SH2D4B: variants seen among roughly 807,000 people sequenced by gnomAD.
SH2D4B encodes the protein SH2 domain-containing protein 4B.
SH2D4B carries 45 observed loss-of-function variants against 61.5 expected under a neutral mutation model. That is an observed-to-expected ratio of 0.73 (90% CI 0.58 to 0.94). The LOEUF (loss-of-function observed/expected upper bound fraction) is 0.94, where lower values mean the gene tolerates loss of function less well. SH2D4B is among the 40% of genes least tolerant of loss of function. The pLI is 0.00. For missense variants in SH2D4B, 572 were observed against 574.2 expected (o/e 1.00, Z 0.04); for synonymous variants, 224 against 220.4 (o/e 1.02, Z -0.14).
At chr10:80,542,398 CTTT>C (rs554328250) in intron 1 of SH2D4B, among the ~76,000 whole-genome samples, 2 of 119,370 alleles carry the variant, frequency 1.7e-5, no homozygotes, top group Admixed American at 8.3e-5. Context: ...TCAGTTCTAT[CTTT>C]TTTTTTTTTT....
At chr10:80,626,059 T>A (rs7896155) in intron 6 of SH2D4B, among the ~76,000 whole-genome samples, 4,855 of 152,274 alleles carry the variant, frequency 0.032, 279 homozygotes, top group African/African-American at 0.11. Flanking sequence ...ATTATCCATT[T>A]TTATTATTGT....
chr10:80,622,724 A>G (rs1842729022), intron 6 of SH2D4B, among the ~76,000 whole-genome samples: 1 of 152,174 alleles, frequency 6.6e-6, no homozygotes, highest in Admixed American at 6.5e-5. Context: ...CCTGCTTTCC[A>G]GTGAATTCTG....
intron 7 of SH2D4B, among the ~76,000 whole-genome samples, chr10:80,639,748 G>A (rs1187405133): frequency 6.6e-6 from 1 of 152,198 alleles, no homozygotes; most frequent in Middle Eastern, 3.2e-3. Context: ...GCCAGTCTGT[G>A]TCTTTTAATT....
Position 80,584,752 on chromosome 10 carries a change from A to G in SH2D4B, c.496-3878A>G, listed in dbSNP as rs143992942. 3.3e-5 allele frequency among the ~76,000 whole-genome samples: 5 copies of G among 152,360 alleles called. 1 individual carries two copies. Among genetic ancestry groups the G allele is most frequent in the African/African-American group, 1.2e-4 (5 of 41,590 alleles). On this transcript the variant is annotated intron_variant, in intron 3 of 7. Transcript: ENST00000646907. ...TAACTACAGATTATGAGGCAAATTTATTATGAGGCTGAGGAGAGAAAAAGT... is the reference window on the plus strand; with the variant it reads ...TAACTACAGATTATGAGGCAAATTTGTTATGAGGCTGAGGAGAGAAAAAGT...
chr10:80,609,307 T>G, intron 5 of SH2D4B, 117 bp from the exon 6 acceptor site: 2 of 634,848 alleles, frequency 3.2e-6, no homozygotes, highest in East Asian at 5.4e-5. Flanking sequence ...CACCCCCCCT[T>G]CCTCCTCCTC....
At chr10:80,627,509 G>A (rs1306324130) in intron 6 of SH2D4B, among the ~76,000 whole-genome samples, 4 of 151,986 alleles carry the variant, frequency 2.6e-5, no homozygotes, top group Non-Finnish European at 5.9e-5. Context: ...TCTGGACTCA[G>A]TCTAAACATC....
intron 1 of SH2D4B, among the ~76,000 whole-genome samples, chr10:80,562,830 G>T (rs1841916717): frequency 6.6e-6 from 1 of 151,624 alleles, no homozygotes; most frequent in African/African-American, 2.4e-5. Flanking sequence ...ACAGGTGTGA[G>T]GTGATATCTC....
In SH2D4B at chr10:80,634,480, T is replaced by C; in HGVS notation, c.1184T>C (p.Leu395Pro). 1 of 1,550,294 alleles carries C rather than the reference T, an allele frequency of 6.5e-7. No individual in the cohort carries two copies. The highest frequency in any genetic ancestry group is 8.7e-7 in the Non-Finnish European group (1 of 1,146,950). ...GTGGACCCCAATCGCCATGCAACGC[T>C]CACGGATCTCGTTGATTTCCATAAG... ...LGVDPNRHAT[L>P]TDLVDFHKEE... Residue 395 changes from leucine (L) to proline (P), a missense_variant, in exon 7 of 8, where the codon CTC becomes CCC. Transcript: ENST00000646907.
chr10:80,575,501 C>T (rs1842114307), intron 3 of SH2D4B, among the ~76,000 whole-genome samples: 1 of 152,158 alleles, frequency 6.6e-6, no homozygotes, highest in African/African-American at 2.4e-5. Context: ...TGGCTCACAC[C>T]TGTAATCCCA....
chr10:80,632,106 TTGTGGAGATAGTTGTCTCCACAAAAAG>T (rs1842839563), intron 6 of SH2D4B, among the ~76,000 whole-genome samples: 1 of 151,898 alleles, frequency 6.6e-6, no homozygotes, highest in South Asian at 2.1e-4. Context: ...TTTAATTTTT[TTGTGGAGATAGTTGTCTCCACAAAAAG>T]TGTGGAGACA....
intron 7 of SH2D4B, among the ~76,000 whole-genome samples, chr10:80,637,690 G>C (rs182947027): frequency 1.3e-5 from 2 of 152,350 alleles, no homozygotes; most frequent in East Asian, 3.9e-4. Context: ...TTTGGGCTGA[G>C]ATGATGGGGT....
intron 4 of SH2D4B, among the ~76,000 whole-genome samples, chr10:80,592,878 GT>G (rs34544525): frequency 0.14 from 20,696 of 148,624 alleles, 1,679 homozygotes; most frequent in East Asian, 0.31. Context: ...ACCATGCCTA[GT>G]TTTTTTTTTT....
intron 1 of SH2D4B, among the ~76,000 whole-genome samples, chr10:80,562,062 C>CACAT (rs35404674): frequency 3.0e-4 from 43 of 144,486 alleles, no homozygotes; most frequent in Admixed American, 6.2e-4. Context: ...CACACACACA[C>CACAT]ATATATAAAA....
intron 3 of SH2D4B, among the ~76,000 whole-genome samples, chr10:80,572,986 A>ATTTTTTTTTTTTTT (rs61401607): frequency 1.0e-3 from 9 of 8,874 alleles, no homozygotes; most frequent in Non-Finnish European, 1.4e-3. Flanking sequence ...ATATATATAT[A>ATTTTTTTTTTTTTT]TTTTTTTTTT....
intron 3 of SH2D4B, among the ~76,000 whole-genome samples, chr10:80,574,036 C>T (rs1342734945): frequency 2.0e-5 from 3 of 152,210 alleles, no homozygotes; most frequent in Admixed American, 1.3e-4. Context: ...AAAGTGCTGA[C>T]CACCTAATCC....
intron 3 of SH2D4B, among the ~76,000 whole-genome samples, chr10:80,579,268 T>A (rs75392453): frequency 2.6e-5 from 4 of 151,890 alleles, no homozygotes; most frequent in Admixed American, 6.6e-5. Context: ...GAAAAAAAAA[T>A]CCCAGAATCT....
rs529098825 is a variant in SH2D4B, at chr10:80,591,186, A to G, written c.643+2409A>G. On this transcript the variant is annotated intron_variant, in intron 4 of 7. Transcript: ENST00000646907. ...TTGTTTTCACTTTTTGGCTATTTTG[A>G]ATAATGTTGCTATGAACATTTATGT... Among the ~76,000 whole-genome samples the G allele has an allele frequency of 1.3e-3, 201 of 152,220 alleles. 1 individual carries two copies. Among genetic ancestry groups the G allele is most frequent in the African/African-American group, 4.5e-3 (187 of 41,548 alleles).
rs1408371919 is a variant in SH2D4B, at chr10:80,643,096, G to A, written c.1210-897G>A. Reference sequence around the variant, plus strand: ...GTATTCTTTGTCCATTTTTCCATTAGGATGTGTCTTTCTTTTTGATGTGAC... The same window carrying A: ...GTATTCTTTGTCCATTTTTCCATTAAGATGTGTCTTTCTTTTTGATGTGAC... On this transcript the variant is annotated intron_variant, in intron 7 of 7. Coordinates refer to ENST00000646907, the MANE Select transcript of SH2D4B (RefSeq NM_001388272.1). 5 of 152,586 alleles carry A rather than the reference G, an allele frequency of 3.3e-5. No individual in the cohort carries two copies. In the South Asian group the frequency reaches 8.3e-4, roughly 25 times the overall value. 9.5% of individuals were successfully genotyped at this position (152,586 alleles called of 1,614,324 possible).
At chr10:80,604,791 G>GT (rs34202612) in intron 5 of SH2D4B, among the ~76,000 whole-genome samples, 107,875 of 148,130 alleles carry the variant, frequency 0.73, 39,498 homozygotes, top group African/African-American at 0.83. Flanking sequence ...ACTGTTCTTA[G>GT]TTTTTTTTTT....
Sources: gnomAD v4.1 joint callset for allele counts (sites outside exome capture counted in the v4.1 genomes callset) on GRCh38, gnomAD v4.1.1 for gene constraint, MANE v1.5 for transcripts, NCBI Gene and HGNC (gene_info 2026-07-23, HGNC 2026-07-21) for gene names.